Variants in ALDH1L2 observed in about 807,000 individuals in gnomAD.
The protein encoded by ALDH1L2 is aldehyde dehydrogenase 1 family member L2.
In ALDH1L2, 91 loss-of-function variants were observed where a neutral mutation model predicts 111.0. That is an observed-to-expected ratio of 0.82 (90% confidence interval 0.69 to 0.98). The LOEUF (loss-of-function observed/expected upper bound fraction) is 0.98. Among genes scored for constraint, ALDH1L2 ranks in the 50% least tolerant of loss-of-function variants. The pLI is 0.00. For missense variants in ALDH1L2, 995 were observed against 1,126.8 expected (o/e 0.88, Z 1.67); for synonymous variants, 374 against 392.6 (o/e 0.95, Z 0.56).
rs1875125319 is a variant in ALDH1L2, at chr12:105,036,513, TTTA to T, written c.2145+1587_2145+1589del. Among the ~76,000 whole-genome samples, 202 of 53,834 alleles carry T rather than the reference TTTA, an allele frequency of 3.8e-3. 29 individuals are homozygous for T. Among genetic ancestry groups the T allele is most frequent in the South Asian group, 9.9e-3 (15 of 1,510 alleles). 35.3% of individuals were successfully genotyped at this position (53,834 alleles called of 152,430 possible). On this transcript the variant is annotated intron_variant, in intron 18 of 22. Transcript: ENST00000258494. ...TATATTTATATATGTATATATATAT[TTTA>T]TATATATATATATATATATATATAT...
At chr12:105,046,222 T>TATATATATATATA (rs1565957152) in intron 15 of ALDH1L2, among the ~76,000 whole-genome samples, 5 of 26,774 alleles carry the variant, frequency 1.9e-4, no homozygotes, top group African/African-American at 8.6e-4. Flanking sequence ...TATATATATA[T>TATATATATATATA]TTTTTTTTTT....
At chr12:105,034,245 T>G (rs1874857036) in intron 19 of ALDH1L2, 55 bp downstream of exon 19, 2 of 1,551,774 alleles carry the variant, frequency 1.3e-6, no homozygotes, top group Non-Finnish European at 1.8e-6. Flanking sequence ...AGTAGGATTT[T>G]TCAAGTAAAA....
chr12:105,038,383 G>A (rs1156281337), intron 17 of ALDH1L2, among the ~76,000 whole-genome samples, 181 bp from the exon 18 acceptor site: 4 of 151,206 alleles, frequency 2.6e-5, no homozygotes, highest in Non-Finnish European at 5.9e-5. Flanking sequence ...GTAATATTAA[G>A]AAACTTATTC....
chr12:105,027,763 C>G (rs1874487871), intron 21 of ALDH1L2, among the ~76,000 whole-genome samples: 1 of 152,188 alleles, frequency 6.6e-6, no homozygotes, highest in African/African-American at 2.4e-5. Context: ...CTTAACTCTT[C>G]CTGTAGGTAA....
chr12:105,075,872 G>A (rs1382651494), intron 1 of ALDH1L2, among the ~76,000 whole-genome samples: 7 of 152,108 alleles, frequency 4.6e-5, no homozygotes, highest in African/African-American at 1.4e-4. Flanking sequence ...TGCAGCCTCC[G>A]CCTCCCGGGT....
Position 105,034,299 on chromosome 12 carries a change from C to T in ALDH1L2, c.2244+1G>A. On this transcript the variant is annotated splice_donor_variant, in intron 19 of 22. Coordinates refer to ENST00000258494, the MANE Select transcript of ALDH1L2 (RefSeq NM_001034173.4). LOFTEE classifies it high-confidence loss of function. The stretch of plus-strand genomic sequence containing the variant: ...TCAGAGTAAATGTGAAGGTGCCTCA[C>T]CACTCTTGTCACAAATTCGTCGTGG... The T allele has an allele frequency of 6.2e-7, 1 of 1,613,662 alleles. No homozygotes were observed. The highest frequency in any genetic ancestry group is 1.1e-5 in the South Asian group (1 of 91,018).
rs2136040042 is a variant in ALDH1L2 at position 105,022,156 on chromosome 12, T to C, written c.*2268A>G. The C allele has an allele frequency of 6.6e-6, 1 of 152,334 alleles. No homozygotes were observed. Among genetic ancestry groups the C allele is most frequent in the Middle Eastern group, 3.4e-3 (1 of 294 alleles). The allele number at this position is 152,334 out of a possible 1,614,324, so 9.4% of individuals were successfully genotyped here. A position where few individuals can be genotyped will look rare whatever the true frequency, so the allele number is the denominator to read the frequency against. On this transcript the variant is annotated 3_prime_UTR_variant, in exon 23 of 23. Transcript: ENST00000258494. ...GATGTTCCAATTCCAGTTCACTTGG[T>C]AACTTTATGTATTACACAGAGCCTT...
At chr12:105,044,639 C>T (rs1028240095) in intron 15 of ALDH1L2, among the ~76,000 whole-genome samples, 2 of 97,836 alleles carry the variant, frequency 2.0e-5, no homozygotes, top group African/African-American at 7.1e-5. Flanking sequence ...TAATATGACC[C>T]CCATGGATGG....
intron 15 of ALDH1L2, among the ~76,000 whole-genome samples, chr12:105,041,192 C>A (rs1241556434): frequency 6.6e-6 from 1 of 152,186 alleles, no homozygotes; most frequent in African/African-American, 2.4e-5. Context: ...AAAAGAAAAT[C>A]CAACATCTGC....
intron 6 of ALDH1L2, among the ~76,000 whole-genome samples, chr12:105,063,930 A>G (rs1440631909): frequency 6.6e-6 from 1 of 151,202 alleles, no homozygotes; most frequent in South Asian, 2.1e-4. Flanking sequence ...CTCTAGGCCC[A>G]GGGCTAAGTA....
intron 5 of ALDH1L2, 24 bp from the exon 6 acceptor site, chr12:105,065,380 T>C: frequency 6.3e-7 from 1 of 1,594,588 alleles, no homozygotes; most frequent in Non-Finnish European, 8.6e-7. Context: ...AAATACAGGC[T>C]GAGCCTCCTA....
intron 18 of ALDH1L2, among the ~76,000 whole-genome samples, chr12:105,036,377 G>A (rs374478380): frequency 1.2e-4 from 9 of 74,640 alleles, no homozygotes; most frequent in Non-Finnish European, 1.8e-4. Flanking sequence ...ATATATATAC[G>A]TATATTTATA....
Position 105,073,161 on chromosome 12 carries a change from T to C in ALDH1L2, c.193+700A>G, listed in dbSNP as rs79685820. On this transcript the variant is annotated intron_variant, in intron 2 of 22. Transcript: ENST00000258494. The stretch of plus-strand genomic sequence containing the variant: ...AGTGTGAGCACTTTGTGTACATTAA[T>C]CTAATTTAATCCTCATAGCAGCCAC... Among the ~76,000 whole-genome samples the C allele has an allele frequency of 9.4e-3, 1,430 of 152,006 alleles. 22 individuals are homozygous for C. The highest frequency in any genetic ancestry group is 0.033 in the African/African-American group (1,383 of 41,570).
In ALDH1L2 at chr12:105,074,457, CCAAAAAAAAAAAAA is replaced by C. The variant is rs1290587404; in HGVS notation, c.49-466_49-453del. Among the ~76,000 whole-genome samples the C allele has an allele frequency of 2.0e-3, 187 of 93,684 alleles. 1 individual carries two copies. Among genetic ancestry groups the C allele is most frequent in the Non-Finnish European group, 2.6e-3 (138 of 52,548 alleles). 61.5% of individuals were successfully genotyped at this position (93,684 alleles called of 152,430 possible). ...TGAGTGACAGAGCAAGACTCTGTCT[CCAAAAAAAAAAAAA>C]AAAAAAAAAAAAGAAAAGAAAAAGA... On this transcript the variant is annotated intron_variant, in intron 1 of 22. Transcript: ENST00000258494.
intron 19 of ALDH1L2, among the ~76,000 whole-genome samples, chr12:105,033,479 C>T (rs1874816481): frequency 6.6e-6 from 1 of 152,174 alleles, no homozygotes; most frequent in African/African-American, 2.4e-5. Context: ...GTCTATATGA[C>T]TTCCTTGTTA....
At chr12:105,070,912 A>T (rs1877649920) in intron 2 of ALDH1L2, 108 bp from the exon 3 acceptor site, 1 of 957,066 alleles carries the variant, frequency 1.0e-6, no homozygotes, top group African/African-American at 1.7e-5. Flanking sequence ...TACAAATAAA[A>T]CATGGTGAAG....
At position 105,020,327 on chromosome 12, in the gene ALDH1L2, C is replaced by A. The variant is rs1394442750; in HGVS notation, c.*4097G>T. 6.6e-6 allele frequency: 1 copy of A among 152,192 alleles called. No individual in the cohort carries two copies. The highest frequency in any genetic ancestry group is 2.4e-5 in the African/African-American group (1 of 41,448). The allele number at this position is 152,192 out of a possible 1,614,324, so 9.4% of individuals were successfully genotyped here. On this transcript the variant is annotated 3_prime_UTR_variant, in exon 23 of 23. Transcript: ENST00000258494. The stretch of plus-strand genomic sequence containing the variant: ...TTAACCAATACTTAATATGTGCCCA[C>A]AGCTCACTACCTAGGCCCTGATTTA...
At position 105,020,583 on chromosome 12, in the gene ALDH1L2, T is replaced by C. The variant is rs1041378528; in HGVS notation, c.*3841A>G. On this transcript the variant is annotated 3_prime_UTR_variant, in exon 23 of 23. Transcript: ENST00000258494. ...AATGGGAAAAGATCATTGATTAATA[T>C]ACAACAGGTAGTGATAAGTGCTATG... The C allele has an allele frequency of 1.3e-5, 2 of 152,228 alleles. No homozygotes were observed. The highest frequency in any genetic ancestry group is 4.8e-5 in the African/African-American group (2 of 41,454). 9.4% of individuals were successfully genotyped at this position (152,228 alleles called of 1,614,324 possible). A position where few individuals can be genotyped will look rare whatever the true frequency, so the allele number is the denominator to read the frequency against.
intron 3 of ALDH1L2, among the ~76,000 whole-genome samples, chr12:105,069,713 A>G (rs1001844623): frequency 2.6e-5 from 4 of 152,208 alleles, no homozygotes; most frequent in Admixed American, 1.3e-4. Context: ...GCTTATTCCA[A>G]TGACTTGACA....
Sources: allele counts gnomAD v4.1 joint callset (sites outside exome capture counted in the v4.1 genomes callset), GRCh38; gene constraint gnomAD v4.1.1; transcripts MANE v1.5; gene names NCBI Gene and HGNC (gene_info 2026-07-23, HGNC 2026-07-21).